Variants in IST1 observed in about 807,000 individuals in gnomAD.
IST1 encodes IST1 factor associated with ESCRT-III.
In IST1, 23 loss-of-function variants were observed where a neutral mutation model predicts 37.0. The ratio of observed to expected loss-of-function variants is 0.62; its 90% confidence interval spans 0.45 to 0.88. The LOEUF is 0.88. Ranked by LOEUF, IST1 falls within the 40% of genes least tolerant of loss-of-function variation. The pLI is 0.00. For synonymous variants in IST1, 180 were observed against 161.7 expected (o/e 1.11, Z -0.86); for missense variants, 488 against 445.4 (o/e 1.10, Z -0.86).
rs2037884658 is a variant in IST1 at position 71,930,159 on chromosome 16, C to T, written c.*2346C>T. On this transcript the variant is annotated 3_prime_UTR_variant, in exon 10 of 10. Coordinates refer to ENST00000378799, the MANE Select transcript of IST1 (RefSeq NM_001270975.2). ...ACACTGGTGAGGATCAGAAAGGTGC[C>T]CAGGACTGGGTCTAAAGCGAAAACC... 6.5e-7 allele frequency: 1 copy of T among 1,550,220 alleles called. No individual in the cohort carries two copies.
upstream of IST1, chr16:71,895,118 A>G: frequency 3.0e-6 from 1 of 329,290 alleles, no homozygotes; most frequent in Admixed American, 4.9e-5. Flanking sequence ...AGTCCAGCGA[A>G]AGGCGGCAGC....
At chr16:71,897,891 G>A (rs565990991) in intron 1 of IST1, among the ~76,000 whole-genome samples, 1 of 152,346 alleles carries the variant, frequency 6.6e-6, no homozygotes, top group South Asian at 2.1e-4. Flanking sequence ...GGAGGTTGCA[G>A]TGAGCTGAGA....
chr16:71,916,339 G>A, intron 2 of IST1, 123 bp from the exon 3 acceptor site: 1 of 876,360 alleles, frequency 1.1e-6, no homozygotes, highest in Non-Finnish European at 1.8e-6. Flanking sequence ...GATTAGATTT[G>A]CTAAAGGAGA....
intron 1 of IST1, among the ~76,000 whole-genome samples, chr16:71,912,504 T>C (rs1297781220): frequency 6.6e-6 from 1 of 152,216 alleles, no homozygotes; most frequent in Non-Finnish European, 1.5e-5. Context: ...CCCAAAGTAC[T>C]GGGATTACAG....
intron 1 of IST1, among the ~76,000 whole-genome samples, chr16:71,906,763 T>C (rs1288802021): frequency 6.6e-6 from 1 of 152,198 alleles, no homozygotes; most frequent in African/African-American, 2.4e-5. Context: ...TTAAAAACGT[T>C]GTTTCGCTTC....
chr16:71,920,606 C>T (rs2037557392), intron 4 of IST1, 133 bp from the exon 5 acceptor site: 1 of 627,760 alleles, frequency 1.6e-6, no homozygotes. Flanking sequence ...TTAATGCATA[C>T]CCCTTAAGGT....
chr16:71,926,498 C>G (rs1247588575), intron 9 of IST1, among the ~76,000 whole-genome samples: 1 of 151,980 alleles, frequency 6.6e-6, no homozygotes, highest in Non-Finnish European at 1.5e-5. Flanking sequence ...CATCCCCCAC[C>G]ACGCCTGGCT....
At position 71,926,641 on chromosome 16, in the gene IST1, C is replaced by T. The variant is rs111557965; in HGVS notation, c.902-973C>T. Among the ~76,000 whole-genome samples the T allele has an allele frequency of 4.7e-4, 72 of 152,160 alleles. 1 individual carries two copies. Among genetic ancestry groups the T allele is most frequent in the African/African-American group, 1.5e-3 (61 of 41,514 alleles). On this transcript the variant is annotated intron_variant, in intron 9 of 9. Transcript: ENST00000378799. The stretch of plus-strand genomic sequence containing the variant: ...GATTACAGGCGTGAGCCACCACGCC[C>T]GGCAAACCCATACATTTTAAGTGTA...
intron 3 of IST1, 127 bp downstream of exon 3, chr16:71,916,769 G>A: frequency 7.5e-6 from 6 of 802,356 alleles, no homozygotes; most frequent in Non-Finnish European, 1.1e-5. Flanking sequence ...TTGCTGAAAG[G>A]CCTGTTAAAA....
chr16:71,911,946 G>T (rs2037364571), intron 1 of IST1, among the ~76,000 whole-genome samples: 1 of 151,878 alleles, frequency 6.6e-6, no homozygotes, highest in African/African-American at 2.4e-5. Context: ...TCACTCCTGA[G>T]CTCAAGTCTC....
At chr16:71,925,377 C>G (rs543334152) in intron 9 of IST1, among the ~76,000 whole-genome samples, 2 of 137,994 alleles carry the variant, frequency 1.4e-5, no homozygotes, top group African/African-American at 5.6e-5. Flanking sequence ...AGTGTGGTGG[C>G]ACAGTCTTGG....
chr16:71,927,674 A>C lies in IST1; in HGVS notation c.962A>C (p.Asp321Ala). 1 of 1,613,932 alleles carries C rather than the reference A, an allele frequency of 6.2e-7. No individual in the cohort carries two copies. The highest frequency in any genetic ancestry group is 8.5e-7 in the Non-Finnish European group (1 of 1,179,814). ...CCTTCCAGACCTGCAGATAACTATG[A>C]CAACTTTGTCCTACCAGAGTTGCCA... ...KLPSRPADNY[D>A]NFVLPELPSV... The change falls in exon 10 of 10, where the codon GAC (aspartate) becomes GCC (alanine). Residue 321 changes from aspartate to alanine, a missense_variant. Transcript: ENST00000378799.
chr16:71,927,902 C>A lies in IST1; in HGVS notation c.*89C>A. Reference sequence around the variant, plus strand: ...AAAGAATCTCCATGAAATTCTGTTTCATCTGTTAACCGTCACTCAGCACAA... The same window carrying A: ...AAAGAATCTCCATGAAATTCTGTTTAATCTGTTAACCGTCACTCAGCACAA... On this transcript the variant is annotated 3_prime_UTR_variant, in exon 10 of 10. Coordinates refer to ENST00000378799, the MANE Select transcript of IST1 (RefSeq NM_001270975.2). The A allele has an allele frequency of 1.1e-6, 1 of 939,338 alleles. No homozygotes were observed. Among genetic ancestry groups the A allele is most frequent in the South Asian group, 1.4e-5 (1 of 71,664 alleles). The allele number at this position is 939,338 out of a possible 1,614,324, so 58.2% of individuals were successfully genotyped here.
chr16:71,921,225 GAAC>G (rs1433669233), intron 5 of IST1, 115 bp from the exon 6 acceptor site: 3 of 675,652 alleles, frequency 4.4e-6, no homozygotes, highest in Non-Finnish European at 7.9e-6. Flanking sequence ...TAACTGCTCT[GAAC>G]CTTTTTTTCC....
chr16:71,914,954 T>G (rs2037436442), intron 1 of IST1, among the ~76,000 whole-genome samples: 1 of 152,182 alleles, frequency 6.6e-6, no homozygotes, highest in African/African-American at 2.4e-5. Flanking sequence ...TTACTGTAAC[T>G]CTGCTATTCA....
At chr16:71,907,387 C>T (rs1013744993) in intron 1 of IST1, among the ~76,000 whole-genome samples, 22 of 151,596 alleles carry the variant, frequency 1.5e-4, no homozygotes, top group African/African-American at 4.6e-4. Context: ...ATGCCATTCT[C>T]CTGCCTCAGC....
In IST1 at chr16:71,928,858, A is replaced by G. The variant is rs1342738787; in HGVS notation, c.*1045A>G. ...CCCATAGCTAAGGTCATCCTTCCCCACAGGGGTGGCTTTGGGATTGGATGA... is the reference window on the plus strand; with the variant it reads ...CCCATAGCTAAGGTCATCCTTCCCCGCAGGGGTGGCTTTGGGATTGGATGA... On this transcript the variant is annotated 3_prime_UTR_variant, in exon 10 of 10. Coordinates refer to ENST00000378799, the MANE Select transcript of IST1 (RefSeq NM_001270975.2). 2 of 152,252 alleles carry G rather than the reference A, an allele frequency of 1.3e-5. No individual in the cohort carries two copies. The highest frequency in any genetic ancestry group is 4.8e-5 in the African/African-American group (2 of 41,462). The allele number at this position is 152,252 out of a possible 1,614,324, so 9.4% of individuals were successfully genotyped here.
At chr16:71,902,892 T>C (rs2037139411) in intron 1 of IST1, among the ~76,000 whole-genome samples, 1 of 152,174 alleles carries the variant, frequency 6.6e-6, no homozygotes, top group African/African-American at 2.4e-5. Flanking sequence ...TTCTTCTATT[T>C]CATTGATTTT....
At chr16:71,924,002 G>T (rs994583906) in intron 8 of IST1, 7 of 400,530 alleles carry the variant, frequency 1.7e-5, no homozygotes, top group African/African-American at 6.3e-5. Context: ...ACAAATTGGT[G>T]TGGCATTTGC....
Sources: gnomAD v4.1 joint callset for allele counts (sites outside exome capture counted in the v4.1 genomes callset) on GRCh38, gnomAD v4.1.1 for gene constraint, MANE v1.5 for transcripts, NCBI Gene and HGNC (gene_info 2026-07-23, HGNC 2026-07-21) for gene names.